Variants in SNAPC4 observed in about 807,000 individuals in gnomAD.
SNAPC4 encodes the protein snRNA-activating protein complex subunit 4.
In SNAPC4, 127 loss-of-function variants were observed where a neutral mutation model predicts 151.3. The ratio of observed to expected loss-of-function variants is 0.84; its 90% CI spans 0.73 to 0.97. SNAPC4 has a LOEUF of 0.97. Ranked by LOEUF, SNAPC4 falls within the 50% of genes least tolerant of loss-of-function variation. SNAPC4 has a pLI of 0.00. For missense variants in SNAPC4, 2,186 were observed against 1,935.0 expected (o/e 1.13, Z -2.43); for synonymous variants, 1,002 against 824.4 (o/e 1.22, Z -3.69).
intron 13 of SNAPC4, 149 bp downstream of exon 13, chr9:136,387,336 A>G (rs1174187717): frequency 3.5e-5 from 24 of 693,742 alleles, no homozygotes; most frequent in South Asian, 1.6e-5. Flanking sequence ...CACAGCCCAC[A>G]CCAGAGTGCA....
Position 136,378,119 on chromosome 9 carries a change from G to A in SNAPC4, c.3708C>T (p.Gly1236=), listed in dbSNP as rs1243807268. Residue 1236 remains glycine (G), a synonymous_variant, in exon 22 of 24, where the codon GGC becomes GGT. Coordinates refer to ENST00000684778, the MANE Select transcript of SNAPC4 (RefSeq NM_003086.4). ...SGTQEPRGPL[G]LEKLPLRQPG... ...GCTGGCGCAGGGGCAGCTTCTCCAG[G>A]CCCAGAGGCCCCCTGGGCTCCTGTG... The A allele has an allele frequency of 5.0e-6, 8 of 1,600,356 alleles. No individual in the cohort carries two copies. The East Asian group carries it at 1.4e-4, about 27-fold the overall frequency.
intron 2 of SNAPC4, 91 bp from the exon 3 acceptor site, chr9:136,397,114 G>T: frequency 8.9e-7 from 1 of 1,129,622 alleles, no homozygotes; most frequent in Non-Finnish European, 1.4e-6. Context: ...GCAGACCTGG[G>T]GTTGTGAGGT....
chr9:136,399,931 G>A (rs1215242307), intron 1 of SNAPC4, among the ~76,000 whole-genome samples: 3 of 152,104 alleles, frequency 2.0e-5, no homozygotes, highest in African/African-American at 7.2e-5. Flanking sequence ...CCCAGCCGAG[G>A]GGCTCCCAGG....
At chr9:136,377,099 G>A (rs1345336125) in intron 22 of SNAPC4, among the ~76,000 whole-genome samples, 1 of 152,224 alleles carries the variant, frequency 6.6e-6, no homozygotes, top group East Asian at 1.9e-4. Flanking sequence ...AGGACACTCA[G>A]AGAGGTGACA....
Position 136,388,469 on chromosome 9 carries a change from G to C in SNAPC4, c.1098C>G (p.Val366=), listed in dbSNP as rs147564153. The C allele has an allele frequency of 6.2e-7, 1 of 1,613,334 alleles. No homozygotes were observed. The highest frequency in any genetic ancestry group is 1.1e-5 in the South Asian group (1 of 91,072). Residue 366 remains valine (V), a synonymous_variant, in exon 11 of 24, where the codon GTC becomes GTG. Transcript: ENST00000684778. ...MLTQLVQEMR[V]GSHIPYRRIV... ...TTCTGCGGTAGGGGATGTGGCTGCCGACGCGCATCTCCTGCACCAGCTGCG... is the reference window on the plus strand; with the variant it reads ...TTCTGCGGTAGGGGATGTGGCTGCCCACGCGCATCTCCTGCACCAGCTGCG...
intron 21 of SNAPC4, 53 bp from the exon 22 acceptor site, chr9:136,379,352 A>C: frequency 6.2e-7 from 1 of 1,603,972 alleles, no homozygotes; most frequent in African/African-American, 1.3e-5. Context: ...TGGCCCAGGG[A>C]CAGCCCCTCG....
intron 22 of SNAPC4, among the ~76,000 whole-genome samples, chr9:136,377,303 C>T (rs1349755535): frequency 6.6e-6 from 1 of 152,210 alleles, no homozygotes; most frequent in Non-Finnish European, 1.5e-5. Flanking sequence ...CCGGAGGCTC[C>T]TGCACGAGAA....
intron 7 of SNAPC4, among the ~76,000 whole-genome samples, chr9:136,393,894 G>A (rs1271783612): frequency 6.6e-6 from 1 of 152,210 alleles, no homozygotes; most frequent in Non-Finnish European, 1.5e-5. Context: ...AACCAGCCTT[G>A]GCTTTTCCTG....
In SNAPC4 at chr9:136,388,691, T is replaced by G. The variant is rs7852145; in HGVS notation, c.976-100A>C. 2.3e-3 allele frequency: 3,278 copies of G among 1,427,830 alleles called. 55 individuals are homozygous for G. In the African/African-American group the frequency reaches 0.04, roughly 17 times the overall value. 88.4% of individuals were successfully genotyped at this position (1,427,830 alleles called of 1,614,324 possible). On this transcript the variant is annotated intron_variant, in intron 10 of 23. Coordinates refer to ENST00000684778, the MANE Select transcript of SNAPC4 (RefSeq NM_003086.4). Reference sequence around the variant, plus strand: ...GGGCACAGGTGGGCCCATGAGCCACTGGGGTGACCCTTCTGCAGACCCCAG... The same window carrying G: ...GGGCACAGGTGGGCCCATGAGCCACGGGGGTGACCCTTCTGCAGACCCCAG...
At position 136,383,325 on chromosome 9, in the gene SNAPC4, GA is replaced by G; in HGVS notation, c.1843del (p.Ser615ProfsTer53). ...CTCTCCAGGAGCCGCGGCTGTGGTG[GA>G]AGCTTCCTTGCTGCCGCCCTGGCTG... The part of the protein sequence containing the change: ...SASQGGSKEA[S>X]TTAAAPGEET... On this transcript the variant is annotated frameshift_variant, in exon 16 of 24. Transcript: ENST00000684778. LOFTEE classifies it high-confidence loss of function. This position sits in a 1 kb window ranked among gnomAD's most constrained non-coding sequence, Gnocchi z 4.2. The G allele has an allele frequency of 6.2e-7, 1 of 1,611,544 alleles. No individual in the cohort carries two copies. The highest frequency in any genetic ancestry group is 8.5e-7 in the Non-Finnish European group (1 of 1,179,440).
At chr9:136,391,484 G>A (rs1163904318) in intron 10 of SNAPC4, among the ~76,000 whole-genome samples, 2 of 152,106 alleles carry the variant, frequency 1.3e-5, no homozygotes, top group East Asian at 1.9e-4. Flanking sequence ...AAGAGTTCAC[G>A]CCAAGCTACT....
intron 7 of SNAPC4, 88 bp from the exon 8 acceptor site, chr9:136,392,865 G>A: frequency 9.5e-7 from 1 of 1,050,918 alleles, no homozygotes; most frequent in East Asian, 2.5e-5. Flanking sequence ...CAAGGAGTGT[G>A]AGCTCAGCAG....
Position 136,379,224 on chromosome 9 carries a change from G to GACGCCAGTCTTCGGCTCC in SNAPC4, c.2585_2602dup (p.Ala867_Ser868insTrpSerArgArgLeuAla). 6.2e-7 allele frequency: 1 copy of GACGCCAGTCTTCGGCTCC among 1,612,262 alleles called. No individual in the cohort carries two copies. Among genetic ancestry groups the GACGCCAGTCTTCGGCTCC allele is most frequent in the Non-Finnish European group, 8.5e-7 (1 of 1,179,812 alleles). ...GGGTAGGGTGCGCTCCACCCGGCTG[G>GACGCCAGTCTTCGGCTCC]ACGCCAGTCTTCGGCTCCCTTTGTG... On this transcript the variant is annotated inframe_insertion, in exon 22 of 24. Coordinates refer to ENST00000684778, the MANE Select transcript of SNAPC4 (RefSeq NM_003086.4).
intron 10 of SNAPC4, among the ~76,000 whole-genome samples, chr9:136,391,688 C>T (rs755699648): frequency 5.9e-5 from 9 of 152,334 alleles, no homozygotes; most frequent in East Asian, 1.9e-4. Context: ...AGACAAACTC[C>T]GGTAAACTGG....
chr9:136,380,486 C>T (rs909064017), intron 20 of SNAPC4, among the ~76,000 whole-genome samples: 1 of 152,220 alleles, frequency 6.6e-6, no homozygotes, highest in African/African-American at 2.4e-5. Context: ...CGGCAGACAG[C>T]GCCCATGTCC....
Position 136,382,246 on chromosome 9 carries a change from G to A in SNAPC4, c.2067+7C>T. The A allele has an allele frequency of 6.2e-7, 1 of 1,612,096 alleles. No individual in the cohort carries two copies. Among genetic ancestry groups the A allele is most frequent in the African/African-American group, 1.3e-5 (1 of 75,022 alleles). On this transcript the variant is annotated splice_region_variant and intron_variant, in intron 17 of 23. Coordinates refer to ENST00000684778, the MANE Select transcript of SNAPC4 (RefSeq NM_003086.4). ...GCGTGCGCGTGGGTGTCTGCAGCAG[G>A]CCTCACCTGTGTGCAGCTCCGAGCA...
Position 136,398,280 on chromosome 9 carries a change from C to G in SNAPC4, c.130+19G>C, listed in dbSNP as rs1395471380. The G allele has an allele frequency of 2.5e-6, 4 of 1,602,766 alleles. No individual in the cohort carries two copies. The highest frequency in any genetic ancestry group is 3.4e-6 in the Non-Finnish European group (4 of 1,171,346). On this transcript the variant is annotated intron_variant, in intron 2 of 23. Transcript: ENST00000684778. ...CTGTTCTTACCAGGACCCCAGGAGGCTAGGTACAAGGGGCTTACCTGCTTC... is the reference window on the plus strand; with the variant it reads ...CTGTTCTTACCAGGACCCCAGGAGGGTAGGTACAAGGGGCTTACCTGCTTC...
At chr9:136,389,841 G>A (rs1372982348) in intron 10 of SNAPC4, among the ~76,000 whole-genome samples, 1 of 152,202 alleles carries the variant, frequency 6.6e-6, no homozygotes, top group Non-Finnish European at 1.5e-5. Context: ...GAGTGAAGCT[G>A]GAGGGAGGCT....
rs763370804 is a variant in SNAPC4 at position 136,376,432 on chromosome 9, G to C, written c.4334C>G (p.Ser1445Cys). ...KCSASSCLDT[S>C]NDPDDLDVLR... is the part of the protein sequence containing the mutation. Reference sequence around the variant, plus strand: ...CACGTCCAGGTCGTCAGGGTCATTAGAAGTATCCAGGCAGGAGGAAGCAGA... The same window carrying C: ...CACGTCCAGGTCGTCAGGGTCATTACAAGTATCCAGGCAGGAGGAAGCAGA... Residue 1445 changes from serine (S) to cysteine (C), a missense_variant, in exon 23 of 24, where the codon TCT (serine) becomes TGT (cysteine). Physicochemically the swap from Ser to Cys is moderately radical, Grantham distance 112. Transcript: ENST00000684778. 9.9e-6 allele frequency: 16 copies of C among 1,613,430 alleles called. No homozygotes were observed. Among genetic ancestry groups the C allele is most frequent in the East Asian group, 2.2e-5 (1 of 44,900 alleles).
Sources: allele counts gnomAD v4.1 joint callset (sites outside exome capture counted in the v4.1 genomes callset), GRCh38; gene constraint gnomAD v4.1.1; non-coding constraint Gnocchi (gnomAD v3.1); transcripts MANE v1.5; gene names NCBI Gene and HGNC (gene_info 2026-07-23, HGNC 2026-07-21).